The following ENPP1 variants were observed in gnomAD, a reference collection of about 807,000 sequenced individuals.
The protein encoded by ENPP1 is ectonucleotide pyrophosphatase/phosphodiesterase 1.
A neutral mutation model predicts 122.8 loss-of-function variants in ENPP1; 73 were observed. That is an observed-to-expected ratio of 0.59 (90% confidence interval 0.49 to 0.72). The LOEUF is 0.72. ENPP1 is among the 30% of genes least tolerant of loss of function. The pLI, the probability that ENPP1 is intolerant of heterozygous loss-of-function variation, is 0.00. For missense variants in ENPP1, 978 were observed against 1,128.1 expected, an observed-to-expected ratio of 0.87 and a Z score of 1.91; for synonymous variants, 367 against 391.6, an observed-to-expected ratio of 0.94 and a Z score of 0.74.
At chr6:131,866,340 C>A (rs1782091483) in intron 11 of ENPP1, among the ~76,000 whole-genome samples, 1 of 152,214 alleles carries the variant, frequency 6.6e-6, no homozygotes, top group African/African-American at 2.4e-5. Context: ...CTTAAGGACT[C>A]TTCAGCACAG....
chr6:131,826,722 G>A lies in ENPP1; in HGVS notation c.240+18447G>A, dbSNP rs866914516. ...ATTCTTCAGTGAAGGCAAGAGGTCT[G>A]CAATGACTTGTGGGATCTGGGAGAG... On this transcript the variant is annotated intron_variant, in intron 1 of 24. Transcript: ENST00000647893. The A allele has an allele frequency of 5.6e-6, 3 of 532,772 alleles. No homozygotes were observed. The South Asian group carries it at 6.0e-5, about 11-fold the overall frequency. The allele number at this position is 532,772 out of a possible 1,614,324, so 33.0% of individuals were successfully genotyped here.
chr6:131,817,701 A>C (rs546183027), intron 1 of ENPP1, among the ~76,000 whole-genome samples: 15 of 141,106 alleles, frequency 1.1e-4, no homozygotes, highest in African/African-American at 3.4e-4. Context: ...CCCCATGTCT[A>C]TCTCTCTCTC....
intron 6 of ENPP1, among the ~76,000 whole-genome samples, chr6:131,858,302 T>G (rs1232500364): frequency 1.3e-5 from 2 of 152,222 alleles, no homozygotes; most frequent in African/African-American, 4.8e-5. Flanking sequence ...CTTGTTTTAA[T>G]TTATAGACTT....
intron 13 of ENPP1, 101 bp downstream of exon 13, chr6:131,869,590 A>G: frequency 8.1e-7 from 1 of 1,235,004 alleles, no homozygotes; most frequent in Non-Finnish European, 1.2e-6. Flanking sequence ...GCACTTTGGG[A>G]GGCCAAAGTG....
chr6:131,868,441 T>A (rs1328724550), intron 12 of ENPP1, among the ~76,000 whole-genome samples: 2 of 152,150 alleles, frequency 1.3e-5, no homozygotes, highest in African/African-American at 4.8e-5. Context: ...TTCAATTTCC[T>A]TTTTTTGTTG....
chr6:131,851,342 T>C (rs1781879128), intron 4 of ENPP1, 75 bp downstream of exon 4: 3 of 1,593,142 alleles, frequency 1.9e-6, no homozygotes, highest in Non-Finnish European at 2.6e-6. Flanking sequence ...AGGTGTTATC[T>C]TTTATATTAG....
intron 24 of ENPP1, among the ~76,000 whole-genome samples, chr6:131,887,797 C>T (rs1454800805): frequency 6.7e-6 from 1 of 148,160 alleles, no homozygotes; most frequent in Non-Finnish European, 1.5e-5. Flanking sequence ...AATCTCCTGA[C>T]CTTGTGATCC....
At position 131,886,580 on chromosome 6, in the gene ENPP1, T is replaced by A. The variant is rs774573909; in HGVS notation, c.2463T>A (p.Arg821=). 6.2e-7 allele frequency: 1 copy of A among 1,613,500 alleles called. No homozygotes were observed. The highest frequency in any genetic ancestry group is 1.7e-5 in the Admixed American group (1 of 60,012). The change falls in exon 24 of 25, where the codon CGT becomes CGA. Residue 821 remains arginine, a synonymous_variant. Transcript: ENST00000647893. ...ENLRQKRRVI[R]NQEILIPTHF... ...TTTACAGAAAAAGAAGAGTCATCCGTAACCAAGAAATTTTGATTCCAACTC... is the reference window on the plus strand; with the variant it reads ...TTTACAGAAAAAGAAGAGTCATCCGAAACCAAGAAATTTTGATTCCAACTC...
intron 1 of ENPP1, among the ~76,000 whole-genome samples, chr6:131,837,731 C>T (rs1781694860): frequency 6.6e-6 from 1 of 151,998 alleles, no homozygotes; most frequent in Non-Finnish European, 1.5e-5. Flanking sequence ...TTACTATTCC[C>T]ATAATTGCCA....
rs147159980 is a variant in ENPP1, at chr6:131,808,564, C to G, written c.240+289C>G. On this transcript the variant is annotated intron_variant, in intron 1 of 24. Transcript: ENST00000647893. Reference sequence around the variant, plus strand: ...TCCTTAGAAATACTCGACCCCCTGCCCCAGGAGAGTACGGGTTTTTAGAGG... The same window carrying G: ...TCCTTAGAAATACTCGACCCCCTGCGCCAGGAGAGTACGGGTTTTTAGAGG... 8.1e-3 allele frequency among the ~76,000 whole-genome samples: 1,237 copies of G among 152,292 alleles called. 12 individuals carry two copies. The highest frequency in any genetic ancestry group is 0.028 in the African/African-American group (1,173 of 41,570).
intron 1 of ENPP1, among the ~76,000 whole-genome samples, chr6:131,840,535 A>G (rs1249035407): frequency 6.6e-6 from 1 of 152,184 alleles, no homozygotes; most frequent in Non-Finnish European, 1.5e-5. Context: ...CAGTAACCCT[A>G]TGCCCTCGTC....
At chr6:131,813,296 G>A (rs1338754167) in intron 1 of ENPP1, among the ~76,000 whole-genome samples, 1 of 151,906 alleles carries the variant, frequency 6.6e-6, no homozygotes. Flanking sequence ...TTTGAGGTCA[G>A]GAGTTCAAGA....
intron 9 of ENPP1, 85 bp from the exon 10 acceptor site, chr6:131,864,421 T>A: frequency 1.2e-6 from 1 of 863,028 alleles, no homozygotes; most frequent in Non-Finnish European, 1.9e-6. Context: ...TAGTAGCTCT[T>A]AATGACATTT....
In ENPP1 at chr6:131,842,230, C is replaced by G. The variant is rs949764221; in HGVS notation, c.241-5546C>G. ...AATATAAAACTCTTAGAAAAGTGCC[C>G]GGCACGTAGGAATTACTAGAGAAGT... On this transcript the variant is annotated intron_variant, in intron 1 of 24. Transcript: ENST00000647893. 3.3e-5 allele frequency among the ~76,000 whole-genome samples: 5 copies of G among 152,250 alleles called. No homozygotes were observed. The East Asian group carries it at 9.6e-4, about 29-fold the overall frequency.
chr6:131,843,616 G>T (rs1781768629), intron 1 of ENPP1, among the ~76,000 whole-genome samples: 1 of 147,562 alleles, frequency 6.8e-6, no homozygotes, highest in South Asian at 2.1e-4. Flanking sequence ...ATCCCCTTTT[G>T]TATTCTGTTT....
chr6:131,822,716 C>G (rs1006952382), intron 1 of ENPP1, among the ~76,000 whole-genome samples: 1 of 151,952 alleles, frequency 6.6e-6, no homozygotes, highest in Non-Finnish European at 1.5e-5. Context: ...GATTTTGAGA[C>G]TTTTATTTTA....
intron 24 of ENPP1, among the ~76,000 whole-genome samples, chr6:131,888,995 A>G (rs984621592): frequency 3.9e-5 from 6 of 152,108 alleles, no homozygotes; most frequent in African/African-American, 1.4e-4. Flanking sequence ...TTTCTGCTCC[A>G]CCATTCTTAG....
intron 1 of ENPP1, 70 bp from the exon 2 acceptor site, chr6:131,847,701 ATCTCT>A: frequency 3.8e-6 from 4 of 1,052,984 alleles, no homozygotes; most frequent in Non-Finnish European, 5.6e-6. Context: ...GTAAGACACT[ATCTCT>A]AAAAATAAAA....
At chr6:131,850,540 T>A (rs529432451) in intron 3 of ENPP1, among the ~76,000 whole-genome samples, 2 of 152,206 alleles carry the variant, frequency 1.3e-5, no homozygotes, top group Non-Finnish European at 2.9e-5. Context: ...TGGAATAATT[T>A]TTAAATGAGA....
Sources: gnomAD v4.1 joint callset for allele counts (sites outside exome capture counted in the v4.1 genomes callset) on GRCh38, gnomAD v4.1.1 for gene constraint, MANE v1.5 for transcripts, NCBI Gene and HGNC (gene_info 2026-07-23, HGNC 2026-07-21) for gene names.